POLR3B: variants seen among roughly 807,000 people sequenced by gnomAD.
POLR3B encodes the protein RNA polymerase III subunit B.
Under a neutral mutation model 147.4 loss-of-function variants are expected in POLR3B, and 96 were observed. The ratio of observed to expected loss-of-function variants is 0.65; its 90% CI spans 0.55 to 0.77. The LOEUF (loss-of-function observed/expected upper bound fraction) is 0.77, where lower values mean the gene tolerates loss of function less well. POLR3B is among the 30% of genes least tolerant of loss of function. The pLI is 0.00. For synonymous variants in POLR3B, 461 were observed against 485.9 expected (o/e 0.95, Z 0.67); for missense variants, 1,036 against 1,413.5 (o/e 0.73, Z 4.28).
intron 11 of POLR3B, chr12:106,410,597 A>G (rs1232521695): frequency 5.5e-6 from 3 of 548,932 alleles, no homozygotes; most frequent in Non-Finnish European, 9.8e-6. Flanking sequence ...GAAGAAGTTG[A>G]TGTAGTCATC....
At chr12:106,499,527 A>G (rs2038560647) in intron 25 of POLR3B, among the ~76,000 whole-genome samples, 1 of 152,206 alleles carries the variant, frequency 6.6e-6, no homozygotes, top group African/African-American at 2.4e-5. Flanking sequence ...TTGAACATAG[A>G]TAGGTAGGAG....
intron 27 of POLR3B, among the ~76,000 whole-genome samples, chr12:106,508,284 A>G (rs1294012165): frequency 6.6e-6 from 1 of 152,138 alleles, no homozygotes; most frequent in Non-Finnish European, 1.5e-5. Flanking sequence ...CACTTTTGGG[A>G]TTACAAAATC....
chr12:106,378,711 T>G (rs2036716770), intron 8 of POLR3B, among the ~76,000 whole-genome samples: 1 of 152,160 alleles, frequency 6.6e-6, no homozygotes, highest in African/African-American at 2.4e-5. Context: ...CCTTTTATGC[T>G]CCTTTTCAGC....
intron 1 of POLR3B, among the ~76,000 whole-genome samples, chr12:106,363,135 A>G (rs771017452): frequency 2.0e-5 from 3 of 152,060 alleles, no homozygotes; most frequent in East Asian, 1.9e-4. Context: ...ACTCTTCTCC[A>G]TCTACATTCC....
At chr12:106,360,900 C>A (rs1261368506) in intron 1 of POLR3B, among the ~76,000 whole-genome samples, 1 of 152,034 alleles carries the variant, frequency 6.6e-6, no homozygotes, top group Non-Finnish European at 1.5e-5. Context: ...TACAAGTAGG[C>A]GAGGGGTATT....
At chr12:106,398,995 C>T (rs1349206521) in intron 10 of POLR3B, among the ~76,000 whole-genome samples, 3 of 152,100 alleles carry the variant, frequency 2.0e-5, no homozygotes, top group East Asian at 3.9e-4. Flanking sequence ...ATGACTTTGA[C>T]GAGTTGAGAA....
intron 12 of POLR3B, among the ~76,000 whole-genome samples, chr12:106,426,220 AT>A (rs906931585): frequency 3.3e-4 from 28 of 84,718 alleles, no homozygotes; most frequent in Non-Finnish European, 6.2e-4. Flanking sequence ...AGGGCCTGCA[AT>A]TTGTGTGTGT....
intron 19 of POLR3B, among the ~76,000 whole-genome samples, chr12:106,452,051 T>C (rs1293316796): frequency 6.6e-6 from 1 of 152,170 alleles, no homozygotes; most frequent in Non-Finnish European, 1.5e-5. Flanking sequence ...AAAATACTAA[T>C]AGGGGAATCA....
In POLR3B at chr12:106,501,415, G is replaced by A; in HGVS notation, c.3077G>A (p.Gly1026Asp). Residue 1026 changes from glycine (G) to aspartate (D), a missense_variant, in exon 26 of 28, where the codon GGC becomes GAC. Physicochemically the swap from Gly to Asp is moderately conservative, Grantham distance 94. Transcript: ENST00000228347. ...GATAAAATGCATGCCCGGGCCCGGGGCCCACGAGCCGTCCTTACCAGGTAA... is the reference window on the plus strand; with the variant it reads ...GATAAAATGCATGCCCGGGCCCGGGACCCACGAGCCGTCCTTACCAGGTAA... ...VLDKMHARAR[G>D]PRAVLTRQPT... is the part of the protein sequence containing the mutation. The A allele has an allele frequency of 6.2e-7, 1 of 1,609,870 alleles. No homozygotes were observed. The highest frequency in any genetic ancestry group is 2.2e-5 in the East Asian group (1 of 44,858).
At chr12:106,465,275 A>G (rs2037989434) in intron 23 of POLR3B, among the ~76,000 whole-genome samples, 1 of 152,150 alleles carries the variant, frequency 6.6e-6, no homozygotes, top group Admixed American at 6.5e-5. Flanking sequence ...CAAAGTTGAT[A>G]TTCTTCTTGT....
chr12:106,412,434 A>G (rs1163791852), intron 12 of POLR3B, among the ~76,000 whole-genome samples: 3 of 152,136 alleles, frequency 2.0e-5, no homozygotes, highest in African/African-American at 7.2e-5. Context: ...CAATCCAGTA[A>G]GACTGCAACT....
Position 106,405,970 on chromosome 12 carries a change from T to A in POLR3B, c.960T>A (p.His320Gln). Residue 320 changes from histidine (H) to glutamine (Q), a missense_variant, in exon 11 of 28, where the codon CAT (histidine) becomes CAA (glutamine). Physicochemically the swap from His to Gln is conservative, Grantham distance 24. Around this residue, in one of 12 missense-constraint regions of POLR3B, gnomAD observed 217 missense variants for 288.7 expected, o/e 0.75. Coordinates refer to ENST00000228347, the MANE Select transcript of POLR3B (RefSeq NM_018082.6). ...RELLASTILT[H>Q]VPVKEFNFRA... ...TCCTGGCTTCCACCATTCTGACCCATGTCCCAGTGAGTAACACTTCGTTAT... is the reference window on the plus strand; with the variant it reads ...TCCTGGCTTCCACCATTCTGACCCAAGTCCCAGTGAGTAACACTTCGTTAT... 7 of 1,613,856 alleles carry A rather than the reference T, an allele frequency of 4.3e-6. No homozygotes were observed. Among genetic ancestry groups the A allele is most frequent in the Non-Finnish European group, 5.9e-6 (7 of 1,179,818 alleles).
chr12:106,363,167 G>A (rs1565872028), intron 1 of POLR3B, among the ~76,000 whole-genome samples: 1 of 152,062 alleles, frequency 6.6e-6, no homozygotes, highest in African/African-American at 2.4e-5. Context: ...CATCCATCAC[G>A]TGCCTTTAAT....
At chr12:106,383,608 C>T (rs2036794512) in intron 9 of POLR3B, among the ~76,000 whole-genome samples, 1 of 152,138 alleles carries the variant, frequency 6.6e-6, no homozygotes, top group Admixed American at 6.6e-5. Context: ...TCACAACACA[C>T]ACATTTATAG....
intron 4 of POLR3B, among the ~76,000 whole-genome samples, chr12:106,367,102 CAAAAAAA>C (rs1449419451): frequency 6.6e-6 from 1 of 150,998 alleles, no homozygotes; most frequent in Non-Finnish European, 1.5e-5. Flanking sequence ...GACTCTGACT[CAAAAAAA>C]TAAAAAATGA....
intron 12 of POLR3B, among the ~76,000 whole-genome samples, chr12:106,422,498 C>G (rs939601046): frequency 6.6e-6 from 1 of 152,208 alleles, no homozygotes; most frequent in Admixed American, 6.5e-5. Context: ...CAGACTAATA[C>G]AGTGCTCTTT....
chr12:106,404,743 A>C (rs749763503), intron 10 of POLR3B, among the ~76,000 whole-genome samples: 6 of 152,088 alleles, frequency 3.9e-5, no homozygotes, highest in Non-Finnish European at 7.4e-5. Context: ...GAAAAAACTT[A>C]GGAGGATTTT....
At chr12:106,426,781 T>A (rs1463492221) in intron 12 of POLR3B, among the ~76,000 whole-genome samples, 2 of 142,052 alleles carry the variant, frequency 1.4e-5, no homozygotes, top group Non-Finnish European at 3.0e-5. Flanking sequence ...CCTTTACCAA[T>A]GATACAGGAA....
intron 9 of POLR3B, among the ~76,000 whole-genome samples, chr12:106,386,406 A>G (rs1297218874): frequency 1.3e-5 from 2 of 151,776 alleles, no homozygotes; most frequent in Non-Finnish European, 2.9e-5. Context: ...AGAGGGCAGT[A>G]TGTTCCCATG....
Sources: allele counts gnomAD v4.1 joint callset (sites outside exome capture counted in the v4.1 genomes callset), GRCh38; gene constraint gnomAD v4.1.1; regional missense constraint gnomAD v4.1.1; transcripts MANE v1.5; gene names NCBI Gene and HGNC (gene_info 2026-07-23, HGNC 2026-07-21).